Variants in PLA2G4E observed in about 807,000 individuals in gnomAD.
PLA2G4E encodes the protein cytosolic phospholipase A2 epsilon.
A neutral mutation model predicts 109.1 loss-of-function variants in PLA2G4E; 84 were observed. The ratio of observed to expected loss-of-function variants is 0.77; its 90% confidence interval spans 0.65 to 0.92. The LOEUF (loss-of-function observed/expected upper bound fraction) is 0.92, where lower values mean the gene tolerates loss of function less well. Among genes scored for constraint, PLA2G4E ranks in the 40% least tolerant of loss-of-function variants. The pLI is 0.00. For synonymous variants in PLA2G4E, 469 were observed against 436.1 expected (o/e 1.08, Z -0.94); for missense variants, 1,057 against 1,076.6 (o/e 0.98, Z 0.25).
intron 1 of PLA2G4E, among the ~76,000 whole-genome samples, chr15:42,024,433 C>T (rs1348038246): frequency 1.3e-5 from 2 of 152,212 alleles, no homozygotes; most frequent in South Asian, 2.1e-4. Context: ...CTGCTGTGTG[C>T]GCTGAGGCCT....
chr15:41,997,501 G>C, intron 10 of PLA2G4E: 1 of 346,358 alleles, frequency 2.9e-6, no homozygotes, highest in Non-Finnish European at 5.2e-6. Context: ...GGCACAATGC[G>C]AGCTGGTACT....
At chr15:42,010,133 C>CT in intron 2 of PLA2G4E, 1 of 435,494 alleles carries the variant, frequency 2.3e-6, no homozygotes, top group Non-Finnish European at 4.5e-6. Flanking sequence ...AGAACACTGG[C>CT]CCCCCCACCC....
intron 1 of PLA2G4E, among the ~76,000 whole-genome samples, chr15:42,030,809 T>C (rs1889099504): frequency 6.6e-6 from 1 of 152,244 alleles, no homozygotes; most frequent in African/African-American, 2.4e-5. Flanking sequence ...CAGTGTTTGC[T>C]CTTTTGTGTG....
intron 13 of PLA2G4E, among the ~76,000 whole-genome samples, chr15:41,990,746 T>TCTTC (rs529932435): frequency 1.8e-5 from 2 of 113,562 alleles, no homozygotes; most frequent in Non-Finnish European, 3.3e-5. Context: ...CTTCCCTTCT[T>TCTTC]TTTTTTTTTT....
chr15:42,042,986 T>A (rs532383084), intron 1 of PLA2G4E, among the ~76,000 whole-genome samples: 1 of 152,184 alleles, frequency 6.6e-6, no homozygotes, highest in African/African-American at 2.4e-5. Flanking sequence ...CCTTTCTGAG[T>A]GGGTAGATTT....
At chr15:42,009,054 C>T (rs2081672743) in intron 2 of PLA2G4E, 1 of 152,202 alleles carries the variant, frequency 6.6e-6, no homozygotes, top group Non-Finnish European at 1.5e-5. Context: ...TCTGGTTAAT[C>T]TTTGAGGCCT....
In PLA2G4E at chr15:42,021,704, C is replaced by A. The variant is rs534980393; in HGVS notation, c.184-7947G>T. ...GCTTGGAGGATGCACCCGCCCCGCC[C>A]AGATGATTCCTATCTCTAGCCTGGT... is the stretch of plus-strand genomic sequence containing the variant. On this transcript the variant is annotated intron_variant, in intron 1 of 19. Coordinates refer to ENST00000399518, the Ensembl canonical transcript of PLA2G4E. Among the ~76,000 whole-genome samples, 912 of 152,322 alleles carry A rather than the reference C, an allele frequency of 6.0e-3. 8 individuals are homozygous for A. The highest frequency in any genetic ancestry group is 0.021 in the African/African-American group (865 of 41,558).
chr15:41,994,139 C>T (rs562042275), intron 12 of PLA2G4E, among the ~76,000 whole-genome samples: 1 of 152,342 alleles, frequency 6.6e-6, no homozygotes, highest in Admixed American at 6.5e-5. Flanking sequence ...ACTGAGTGTC[C>T]CTGGCAAATT....
At chr15:42,021,021 T>C (rs916348525) in intron 1 of PLA2G4E, among the ~76,000 whole-genome samples, 1 of 151,780 alleles carries the variant, frequency 6.6e-6, no homozygotes, top group African/African-American at 2.4e-5. Context: ...TGCATCTGCC[T>C]CAGGAGCATC....
intron 1 of PLA2G4E, among the ~76,000 whole-genome samples, chr15:42,019,068 G>C (rs2068623419): frequency 6.6e-6 from 1 of 152,216 alleles, no homozygotes; most frequent in Admixed American, 6.5e-5. Context: ...CGTTTAGAGA[G>C]ATTACATCTC....
At chr15:42,035,107 G>A (rs531199946) in intron 1 of PLA2G4E, among the ~76,000 whole-genome samples, 1 of 152,330 alleles carries the variant, frequency 6.6e-6, no homozygotes. Context: ...GCACATCTAC[G>A]GTGGGAGGCA....
chr15:42,011,414 A>T (rs940070311), intron 2 of PLA2G4E, among the ~76,000 whole-genome samples: 4 of 152,258 alleles, frequency 2.6e-5, no homozygotes, highest in African/African-American at 9.6e-5. Context: ...AGAGGCTGGG[A>T]CAGACACACC....
chr15:41,996,920 C>T (rs1436305129), intron 11 of PLA2G4E, among the ~76,000 whole-genome samples: 1 of 152,206 alleles, frequency 6.6e-6, no homozygotes, highest in African/African-American at 2.4e-5. Flanking sequence ...TCTGTCCTTT[C>T]TGTCTCCATT....
chr15:41,989,491 G>T, exon 15 of PLA2G4E: 1 of 1,613,946 alleles, frequency 6.2e-7, no homozygotes, highest in Non-Finnish European at 8.5e-7. Flanking sequence ...CGAAGAGCTC[G>T]GAGGGGATGA....
At chr15:42,023,109 T>G (rs117904258) in intron 1 of PLA2G4E, among the ~76,000 whole-genome samples, 1 of 151,882 alleles carries the variant, frequency 6.6e-6, no homozygotes, top group East Asian at 1.9e-4. Flanking sequence ...GTCTGTGCAG[T>G]GAGTTGTGTG....
At chr15:42,026,440 G>T (rs188680306) in intron 1 of PLA2G4E, among the ~76,000 whole-genome samples, 4 of 152,242 alleles carry the variant, frequency 2.6e-5, no homozygotes, top group Non-Finnish European at 5.9e-5. Context: ...ACAGGGAAAA[G>T]CCAGGAAATG....
At chr15:42,041,320 GA>G (rs34543969) in intron 1 of PLA2G4E, among the ~76,000 whole-genome samples, 10 of 151,250 alleles carry the variant, frequency 6.6e-5, no homozygotes, top group Non-Finnish European at 8.8e-5. Context: ...TGGGTAAAAG[GA>G]AAAAAAAAGT....
intron 1 of PLA2G4E, among the ~76,000 whole-genome samples, chr15:42,035,185 C>T (rs990905379): frequency 6.6e-6 from 1 of 152,216 alleles, no homozygotes; most frequent in African/African-American, 2.4e-5. Flanking sequence ...TTCCAAGTTC[C>T]TTCTCTCATC....
At chr15:42,036,808 C>G (rs1051739722) in intron 1 of PLA2G4E, among the ~76,000 whole-genome samples, 3 of 152,182 alleles carry the variant, frequency 2.0e-5, no homozygotes, top group Non-Finnish European at 4.4e-5. Flanking sequence ...AGGCAACAGC[C>G]CAGGTTGGGG....
Sources: gnomAD v4.1 joint callset for allele counts (sites outside exome capture counted in the v4.1 genomes callset) on GRCh38, gnomAD v4.1.1 for gene constraint, MANE v1.5 for transcripts, NCBI Gene and HGNC (gene_info 2026-07-23, HGNC 2026-07-21) for gene names.